The following NAV2 variants were observed in gnomAD, a reference collection of about 807,000 sequenced individuals.
NAV2 encodes helicase, APC down-regulated 1.
In NAV2, 54 loss-of-function variants were observed where a neutral mutation model predicts 223.2. That is an observed-to-expected ratio of 0.24 (90% CI 0.19 to 0.30). NAV2 has a LOEUF of 0.30. Ranked by LOEUF, NAV2 falls within the 10% of genes least tolerant of loss-of-function variation. The pLI is 1.00. For missense variants in NAV2, 2,806 were observed against 3,147.5 expected (o/e 0.89, Z 2.60); for synonymous variants, 1,279 against 1,239.3 (o/e 1.03, Z -0.67).
At chr11:19,820,124 G>A (rs892465823) in intron 1 of NAV2, among the ~76,000 whole-genome samples, 8 of 152,248 alleles carry the variant, frequency 5.3e-5, no homozygotes, top group Non-Finnish European at 1.0e-4. Context: ...GACTTAAAAG[G>A]TCAGTTTGTG....
At chr11:19,843,641 A>C (rs1249053320) in intron 3 of NAV2, among the ~76,000 whole-genome samples, 3 of 151,610 alleles carry the variant, frequency 2.0e-5, no homozygotes, top group African/African-American at 7.3e-5. Flanking sequence ...GAATATTTAC[A>C]AAAAAAAGTA....
At chr11:20,098,599 G>C (rs1446827640) in intron 31 of NAV2, among the ~76,000 whole-genome samples, 2 of 152,184 alleles carry the variant, frequency 1.3e-5, no homozygotes, top group East Asian at 1.9e-4. Context: ...GTATTTCCTG[G>C]TTGGTAGAAT....
intron 1 of NAV2, among the ~76,000 whole-genome samples, chr11:19,624,458 G>T (rs1001472302): frequency 6.6e-6 from 1 of 152,190 alleles, no homozygotes; most frequent in Non-Finnish European, 1.5e-5. Flanking sequence ...GCAATGGCGG[G>T]TGCCCCTCCC....
intron 1 of NAV2, among the ~76,000 whole-genome samples, chr11:19,358,151 T>C (rs576762246): frequency 2.6e-5 from 4 of 152,174 alleles, no homozygotes; most frequent in Admixed American, 6.5e-5. Flanking sequence ...TTCTTTCTCA[T>C]TGGTATAATT....
chr11:19,512,719 G>T (rs2043317940), intron 1 of NAV2, among the ~76,000 whole-genome samples: 1 of 152,162 alleles, frequency 6.6e-6, no homozygotes, highest in African/African-American at 2.4e-5. Context: ...AAATAACTTG[G>T]TCTCCTTCTC....
intron 1 of NAV2, among the ~76,000 whole-genome samples, chr11:19,781,613 A>G (rs1186527550): frequency 6.6e-6 from 1 of 152,116 alleles, no homozygotes; most frequent in Non-Finnish European, 1.5e-5. Flanking sequence ...CAGGCTAACA[A>G]GCAGATTAAA....
chr11:19,636,878 T>A (rs1347627768), intron 1 of NAV2, among the ~76,000 whole-genome samples: 2 of 152,214 alleles, frequency 1.3e-5, no homozygotes, highest in Non-Finnish European at 2.9e-5. Context: ...AGAATCCAGC[T>A]GGTGTAGAGC....
chr11:19,399,314 G>A (rs1343646923), intron 1 of NAV2, among the ~76,000 whole-genome samples: 1 of 152,200 alleles, frequency 6.6e-6, no homozygotes, highest in Non-Finnish European at 1.5e-5. Context: ...AGAGTCAGCA[G>A]CTCTTTATTT....
At chr11:19,747,016 A>G (rs1167994024) in intron 1 of NAV2, among the ~76,000 whole-genome samples, 1 of 46,178 alleles carries the variant, frequency 2.2e-5, no homozygotes. Flanking sequence ...AGCATTAGGT[A>G]TATCTCCTAA....
At chr11:20,067,780 A>G (rs757812097) in intron 20 of NAV2, among the ~76,000 whole-genome samples, 1 of 151,654 alleles carries the variant, frequency 6.6e-6, no homozygotes, top group Non-Finnish European at 1.5e-5. Context: ...ATGAGCTACC[A>G]TGCCCAGTCC....
intron 5 of NAV2, among the ~76,000 whole-genome samples, chr11:19,882,807 T>C (rs1216932463): frequency 6.6e-6 from 1 of 152,224 alleles, no homozygotes; most frequent in Non-Finnish European, 1.5e-5. Context: ...AGTGGTGACA[T>C]AGACCGGGCT....
intron 1 of NAV2, among the ~76,000 whole-genome samples, chr11:19,773,124 A>G (rs547386545): frequency 7.2e-5 from 11 of 152,264 alleles, no homozygotes; most frequent in Non-Finnish European, 1.3e-4. Context: ...TTCCACCTTG[A>G]TGAGCAAGAT....
At chr11:20,101,251 G>A (rs773323567) in intron 32 of NAV2, 79 bp downstream of exon 32, 20 of 1,132,674 alleles carry the variant, frequency 1.8e-5, no homozygotes, top group African/African-American at 3.1e-5. Flanking sequence ...TGAAGGGAAA[G>A]CAGCATTTCC....
At chr11:19,486,052 G>T (rs1216510315) in intron 1 of NAV2, among the ~76,000 whole-genome samples, 4 of 152,144 alleles carry the variant, frequency 2.6e-5, no homozygotes, top group African/African-American at 9.7e-5. Flanking sequence ...TCAATAGGGT[G>T]AGGCAGCCCT....
intron 6 of NAV2, among the ~76,000 whole-genome samples, chr11:19,913,600 C>T (rs949815961): frequency 8.5e-5 from 13 of 152,150 alleles, no homozygotes; most frequent in African/African-American, 3.1e-4. Flanking sequence ...CGGTTATAAG[C>T]CAAATTCATG....
At chr11:19,839,857 A>G (rs1362786172) in intron 2 of NAV2, among the ~76,000 whole-genome samples, 1 of 152,210 alleles carries the variant, frequency 6.6e-6, no homozygotes, top group African/African-American at 2.4e-5. Context: ...TAAATAAATT[A>G]CCATTGGCAC....
chr11:19,972,305 G>A (rs777357765), intron 10 of NAV2, among the ~76,000 whole-genome samples: 1 of 152,198 alleles, frequency 6.6e-6, no homozygotes, highest in South Asian at 2.1e-4. Context: ...ACATCTGGAC[G>A]AGTGACCAGG....
At chr11:19,564,490 A>G (rs1437847182) in intron 1 of NAV2, among the ~76,000 whole-genome samples, 1 of 152,196 alleles carries the variant, frequency 6.6e-6, no homozygotes. Context: ...GGCCCTCGGC[A>G]GAGTGCTGGC....
chr11:19,684,265 C>T (rs993038307), intron 1 of NAV2, among the ~76,000 whole-genome samples: 14 of 152,188 alleles, frequency 9.2e-5, no homozygotes, highest in African/African-American at 3.4e-4. Context: ...CCTAGGTCTA[C>T]ATGCTGGACT....
Sources: allele counts gnomAD v4.1 joint callset (sites outside exome capture counted in the v4.1 genomes callset), GRCh38; gene constraint gnomAD v4.1.1; transcripts MANE v1.5; gene names NCBI Gene and HGNC (gene_info 2026-07-23, HGNC 2026-07-21).